SLC11A2: variants seen among roughly 807,000 people sequenced by gnomAD.
The protein encoded by SLC11A2 is natural resistance-associated macrophage protein 2.
A neutral mutation model predicts 68.0 loss-of-function variants in SLC11A2; 38 were observed. That is an observed-to-expected ratio of 0.56 (90% confidence interval 0.43 to 0.73). The LOEUF (loss-of-function observed/expected upper bound fraction) is 0.73, where lower values mean the gene tolerates loss of function less well. SLC11A2 is among the 30% of genes least tolerant of loss of function. The probability of loss-of-function intolerance (pLI) is 0.00; values close to 1 mark genes in which losing one functional copy is unlikely to be tolerated. For missense variants in SLC11A2, 517 were observed against 690.5 expected, an observed-to-expected ratio of 0.75 and a Z score of 2.82; for synonymous variants, 242 against 250.6, an observed-to-expected ratio of 0.97 and a Z score of 0.32.
intron 14 of SLC11A2, 107 bp downstream of exon 14, chr12:50,991,492 A>G (rs2136186396): frequency 2.3e-6 from 2 of 853,822 alleles, no homozygotes; most frequent in East Asian, 2.5e-5. Flanking sequence ...ATCACCTCTC[A>G]AAGCATATCG....
intron 5 of SLC11A2, among the ~76,000 whole-genome samples, chr12:51,002,015 T>C (rs1487115543): frequency 6.6e-6 from 1 of 152,152 alleles, no homozygotes; most frequent in Non-Finnish European, 1.5e-5. Flanking sequence ...GCTGACTCAC[T>C]GAAGCCAGAA....
the SLC11A2 span, among the ~76,000 whole-genome samples, chr12:50,973,665 A>G: frequency 6.6e-6 from 1 of 152,220 alleles, no homozygotes; most frequent in African/African-American, 2.4e-5. Flanking sequence ...TTGAGAGAAG[A>G]AGGCTACAGA....
chr12:50,980,036 G>A (rs1454015496), downstream of SLC11A2: 2 of 428,594 alleles, frequency 4.7e-6, no homozygotes, highest in South Asian at 1.6e-5. Flanking sequence ...CACCAGCCTG[G>A]GCAACATGGT....
At chr12:51,010,534 T>C (rs991074657) in intron 2 of SLC11A2, among the ~76,000 whole-genome samples, 161 bp downstream of exon 2, 2 of 142,742 alleles carry the variant, frequency 1.4e-5, no homozygotes, top group Non-Finnish European at 3.1e-5. Context: ...AAAAAATCCA[T>C]TTTCATTTAC....
intron 15 of SLC11A2, among the ~76,000 whole-genome samples, chr12:50,988,959 C>T (rs932756952): frequency 7.2e-5 from 11 of 152,132 alleles, no homozygotes; most frequent in Admixed American, 3.3e-4. Flanking sequence ...AGCAATCCTC[C>T]TGGCTCGGCC....
intron 1 of SLC11A2, chr12:51,025,598 G>A (rs12830073): frequency 0.17 from 50,227 of 290,418 alleles, 4,647 homozygotes; most frequent in South Asian, 0.27. Context: ...TGCAAGAGAT[G>A]TCACATTTAA....
chr12:50,993,597 G>T (rs981795993), intron 11 of SLC11A2, among the ~76,000 whole-genome samples: 4 of 151,804 alleles, frequency 2.6e-5, no homozygotes, highest in South Asian at 2.1e-4. Context: ...AGGCCGAGGG[G>T]GGGGTGGATC....
the SLC11A2 span, among the ~76,000 whole-genome samples, chr12:50,960,686 ATTTT>A: frequency 6.8e-6 from 1 of 147,356 alleles, no homozygotes; most frequent in Non-Finnish European, 1.5e-5. Context: ...TAACCCATAC[ATTTT>A]TTTTTTTCTA....
At position 50,991,096 on chromosome 12, in the gene SLC11A2, T is replaced by G. The variant is rs574549927; in HGVS notation, c.1422-148A>C. Reference sequence around the variant, plus strand: ...AAAAATGATTCTTCATAAGTCTAAGTTAAATCACCCAAAGTTAGATACTGG... The same window carrying G: ...AAAAATGATTCTTCATAAGTCTAAGGTAAATCACCCAAAGTTAGATACTGG... On this transcript the variant is annotated intron_variant, in intron 14 of 15. Coordinates refer to ENST00000262052, the MANE Select transcript of SLC11A2 (RefSeq NM_000617.3). 3.4e-5 allele frequency: 26 copies of G among 770,168 alleles called. No homozygotes were observed. In the African/African-American group the frequency reaches 3.5e-4, roughly 10 times the overall value. The allele number at this position is 770,168 out of a possible 1,614,324, so 47.7% of individuals were successfully genotyped here. A position where few individuals can be genotyped will look rare whatever the true frequency, so the allele number is the denominator to read the frequency against.
At chr12:50,953,669 A>G in the SLC11A2 span, among the ~76,000 whole-genome samples, 1 of 152,250 alleles carries the variant, frequency 6.6e-6, no homozygotes, top group South Asian at 2.1e-4. Flanking sequence ...TTGTGGAAGA[A>G]GTCCTGAGGT....
chr12:50,981,804 C>A (rs1482462615), downstream of SLC11A2: 9 of 1,502,002 alleles, frequency 6.0e-6, no homozygotes, highest in Admixed American at 1.1e-4. Context: ...CCAGATGGCA[C>A]TAAGGAAAAA....
the SLC11A2 span, among the ~76,000 whole-genome samples, chr12:50,956,439 G>A: frequency 2.0e-5 from 3 of 152,154 alleles, no homozygotes; most frequent in South Asian, 2.1e-4. Flanking sequence ...TTTAGCTATT[G>A]TCATTTTAAC....
Position 50,986,420 on chromosome 12 carries a change from G to C in SLC11A2, c.*1905C>G. On this transcript the variant is annotated 3_prime_UTR_variant, in exon 16 of 16. Coordinates refer to ENST00000262052, the MANE Select transcript of SLC11A2 (RefSeq NM_000617.3). ...ATTATAAAATGCCATTTAATTGGAA[G>C]GAGTTTTCTATCATTGCAAGTCATA... The C allele has an allele frequency of 7.8e-7, 1 of 1,283,000 alleles. No individual in the cohort carries two copies. The highest frequency in any genetic ancestry group is 1.2e-5 in the South Asian group (1 of 80,730). 79.5% of individuals were successfully genotyped at this position (1,283,000 alleles called of 1,614,324 possible). A position where few individuals can be genotyped will look rare whatever the true frequency, so the allele number is the denominator to read the frequency against.
rs1314130315 is a variant in SLC11A2, at chr12:50,986,687, G to T, written c.*1638C>A. On this transcript the variant is annotated 3_prime_UTR_variant, in exon 16 of 16. Transcript: ENST00000262052. ...ATGACCAGTTTGGAGAATTACGATGGTAAGGGGAAGAGGCAGATATGAAGA... is the reference window on the plus strand; with the variant it reads ...ATGACCAGTTTGGAGAATTACGATGTTAAGGGGAAGAGGCAGATATGAAGA... 7.8e-7 allele frequency: 1 copy of T among 1,286,816 alleles called. No homozygotes were observed. Among genetic ancestry groups the T allele is most frequent in the Non-Finnish European group, 1.0e-6 (1 of 988,404 alleles). The allele number at this position is 1,286,816 out of a possible 1,614,324, so 79.7% of individuals were successfully genotyped here.
Position 50,993,233 on chromosome 12 carries a change from C to T in SLC11A2, c.1078-304G>A, listed in dbSNP as rs1242668341. On this transcript the variant is annotated intron_variant, in intron 11 of 15. Transcript: ENST00000262052. ...AAAAAGAGGTCTACACCACTTTCCCCAAATTATATTCCTTTACACACTATT... is the reference window on the plus strand; with the variant it reads ...AAAAAGAGGTCTACACCACTTTCCCTAAATTATATTCCTTTACACACTATT... 8.4e-6 allele frequency: 3 copies of T among 357,662 alleles called. No individual in the cohort carries two copies. The East Asian group carries it at 1.8e-4, about 21-fold the overall frequency. 22.2% of individuals were successfully genotyped at this position (357,662 alleles called of 1,614,324 possible). A position where few individuals can be genotyped will look rare whatever the true frequency, so the allele number is the denominator to read the frequency against.
rs71663850 is a variant in SLC11A2 at position 50,993,992 on chromosome 12, C to CAAAAAAAAAAAAAAAA, written c.1077+536_1077+551dup. ...GGGCAACAGAGCAAGACCTTGTCTC[C>CAAAAAAAAAAAAAAAA]AAAAAAAAAAAAAAAAAAAAAAAAA... On this transcript the variant is annotated intron_variant, in intron 11 of 15. Transcript: ENST00000262052. Among the ~76,000 whole-genome samples the CAAAAAAAAAAAAAAAA allele has an allele frequency of 4.8e-4, 23 of 48,400 alleles. 2 individuals carry two copies. The highest frequency in any genetic ancestry group is 9.4e-4 in the East Asian group (1 of 1,060). The allele number at this position is 48,400 out of a possible 152,430, so 31.8% of individuals were successfully genotyped here.
chr12:50,972,962 G>A, the SLC11A2 span, among the ~76,000 whole-genome samples: 126 of 152,304 alleles, frequency 8.3e-4, no homozygotes, highest in Middle Eastern at 3.4e-3. Flanking sequence ...CCACCATTGC[G>A]GAGGCTTGAG....
chr12:50,969,323 C>T, the SLC11A2 span, among the ~76,000 whole-genome samples: 1 of 150,076 alleles, frequency 6.7e-6, no homozygotes, highest in Non-Finnish European at 1.5e-5. Context: ...ATAAATAAAT[C>T]CAGATTTTGA....
chr12:50,990,784 G>C lies in SLC11A2; in HGVS notation c.1575+11C>G. On this transcript the variant is annotated intron_variant, in intron 15 of 15. Transcript: ENST00000262052. ...GATACCTATGCCCCTGCTCTTCCAG[G>C]CTAGACTTACCAAGTAGAACACAAA... The C allele has an allele frequency of 6.2e-7, 1 of 1,613,830 alleles. No individual in the cohort carries two copies. The highest frequency in any genetic ancestry group is 8.5e-7 in the Non-Finnish European group (1 of 1,179,894).
Sources: allele counts gnomAD v4.1 joint callset (sites outside exome capture counted in the v4.1 genomes callset), GRCh38; gene constraint gnomAD v4.1.1; transcripts MANE v1.5; gene names NCBI Gene and HGNC (gene_info 2026-07-23, HGNC 2026-07-21).